The following KBTBD2 variants were observed in gnomAD, a reference collection of about 807,000 sequenced individuals.
KBTBD2 encodes kelch repeat and BTB domain containing 2.
A neutral mutation model predicts 57.1 loss-of-function variants in KBTBD2; 17 were observed. The ratio of observed to expected loss-of-function variants is 0.30; its 90% CI spans 0.20 to 0.45. The LOEUF (loss-of-function observed/expected upper bound fraction) is 0.45, where lower values mean the gene tolerates loss of function less well. Among genes scored for constraint, KBTBD2 ranks in the 20% least tolerant of loss-of-function variants. KBTBD2 has a pLI of 1.00. For missense variants in KBTBD2, 515 were observed against 750.6 expected (o/e 0.69, Z 3.67); for synonymous variants, 267 against 262.7 (o/e 1.02, Z -0.16).
intron 1 of KBTBD2, among the ~76,000 whole-genome samples, chr7:32,885,839 G>A (rs1041478810): frequency 4.0e-5 from 6 of 151,494 alleles, no homozygotes; most frequent in African/African-American, 9.7e-5. Flanking sequence ...TTGCTTGATC[G>A]CAGAGAATGG....
Position 32,874,417 on chromosome 7 carries a change from AAAATAAATAAATAAAT to A in KBTBD2, c.336+559_336+574del, listed in dbSNP as rs1057439350. ...TCCGTCTCAAAAAAATAAATAAATA[AAAATAAATAAATAAAT>A]AAATAAATAAAAATAGTAGCTGGGC... On this transcript the variant is annotated intron_variant, in intron 3 of 3. Coordinates refer to ENST00000304056, the MANE Select transcript of KBTBD2 (RefSeq NM_015483.3). 1.7e-4 allele frequency: 26 copies of A among 151,282 alleles called. No individual in the cohort carries two copies. The East Asian group carries it at 2.9e-3, about 17-fold the overall frequency. The allele number at this position is 151,282 out of a possible 1,614,324, so 9.4% of individuals were successfully genotyped here.
Position 32,870,117 on chromosome 7 carries a change from A to C in KBTBD2, c.1100T>G (p.Leu367Arg). 1.9e-6 allele frequency: 3 copies of C among 1,614,236 alleles called. No homozygotes were observed. The highest frequency in any genetic ancestry group is 2.5e-6 in the Non-Finnish European group (3 of 1,180,034). Reference protein sequence around the residue: ...QNTWFPKTPMLFVRIKPSLVC... With the variant: ...QNTWFPKTPMRFVRIKPSLVC... ...CAAAGATGGCTTTATGCGGACAAAA[A>C]GCATTGGGGTCTTTGGAAACCAGGT... The change falls in exon 4 of 4, where the codon CTT becomes CGT. Residue 367 changes from leucine (L) to arginine (R), a missense_variant. Transcript: ENST00000304056.
chr7:32,875,965 C>T (rs1008064460), intron 2 of KBTBD2, among the ~76,000 whole-genome samples: 1 of 152,100 alleles, frequency 6.6e-6, no homozygotes, highest in Non-Finnish European at 1.5e-5. Flanking sequence ...GGTTGTGTAA[C>T]TGTAAATATA....
intron 1 of KBTBD2, among the ~76,000 whole-genome samples, chr7:32,880,199 C>G (rs894346030): frequency 3.3e-5 from 5 of 152,080 alleles, no homozygotes; most frequent in African/African-American, 1.2e-4. Flanking sequence ...ATAACGAACA[C>G]ATGAATAAGT....
intron 1 of KBTBD2, among the ~76,000 whole-genome samples, chr7:32,888,376 A>T (rs1331528482): frequency 6.6e-6 from 1 of 152,134 alleles, no homozygotes; most frequent in East Asian, 1.9e-4. Context: ...TTTCAATGAG[A>T]TAGTTTTCTC....
upstream of KBTBD2, chr7:32,891,905 C>G (rs1235536591): frequency 7.1e-6 from 1 of 140,254 alleles, no homozygotes; most frequent in African/African-American, 2.6e-5. Flanking sequence ...CGCCCCCGCC[C>G]CCGCCGCGCG....
chr7:32,878,447 G>A (rs1342693994), intron 2 of KBTBD2, among the ~76,000 whole-genome samples: 1 of 152,136 alleles, frequency 6.6e-6, no homozygotes, highest in East Asian at 1.9e-4. Flanking sequence ...AGGCGTGGTG[G>A]TGCGTGCCTG....
Position 32,879,965 on chromosome 7 carries a change from TGTA to T in KBTBD2, c.-338-26_-338-24del, listed in dbSNP as rs1784407632. On this transcript the variant is annotated intron_variant, in intron 1 of 3. Transcript: ENST00000304056. ...TAACTAAAAAGAAAAAAAGTTCAGT[TGTA>T]GTATCTAGGCCAGTACGGTTTTAGA... The T allele has an allele frequency of 2.6e-5, 5 of 194,966 alleles. No homozygotes were observed. In the South Asian group the frequency reaches 5.1e-4, roughly 20 times the overall value. The allele number at this position is 194,966 out of a possible 1,614,324, so 12.1% of individuals were successfully genotyped here.
intron 3 of KBTBD2, among the ~76,000 whole-genome samples, chr7:32,873,502 G>A (rs927821271): frequency 1.3e-5 from 2 of 152,132 alleles, no homozygotes; most frequent in African/African-American, 4.8e-5. Context: ...GGGAGGCCAA[G>A]GCGGGTGGAT....
At chr7:32,871,815 T>C (rs1784185534) in intron 3 of KBTBD2, among the ~76,000 whole-genome samples, 1 of 147,892 alleles carries the variant, frequency 6.8e-6, no homozygotes, top group East Asian at 2.0e-4. Flanking sequence ...TTGGTAGTCA[T>C]AGAATGCCCC....
At chr7:32,879,027 C>T (rs1028752478) in intron 2 of KBTBD2, among the ~76,000 whole-genome samples, 6 of 152,096 alleles carry the variant, frequency 3.9e-5, no homozygotes, top group South Asian at 4.2e-4. Flanking sequence ...AAAGTCTTAA[C>T]CTATCTAACA....
chr7:32,872,367 G>A (rs1021481018), intron 3 of KBTBD2, among the ~76,000 whole-genome samples: 3 of 152,116 alleles, frequency 2.0e-5, no homozygotes, highest in Non-Finnish European at 4.4e-5. Context: ...GAACACTAAC[G>A]ATAAAGTTAG....
In KBTBD2 at chr7:32,870,267, T is replaced by G; in HGVS notation, c.950A>C (p.Asp317Ala). The stretch of plus-strand genomic sequence containing the variant: ...AACTTGACCCCCTGCTATGTAGATA[T>G]CATTATCAGGAGTTACAACGGTCCC... ...KVGTVVTPDN[D>A]IYIAGGQVPL... Residue 317 changes from aspartate (D) to alanine (A), a missense_variant, in exon 4 of 4, where the codon GAT (aspartate) becomes GCT (alanine). Physicochemically the swap from Asp to Ala is moderately radical, Grantham distance 126. Transcript: ENST00000304056. The G allele has an allele frequency of 1.2e-6, 2 of 1,614,178 alleles. No individual in the cohort carries two copies.
intron 3 of KBTBD2, among the ~76,000 whole-genome samples, chr7:32,874,195 C>G (rs186622486): frequency 6.6e-6 from 1 of 151,850 alleles, no homozygotes; most frequent in African/African-American, 2.4e-5. Flanking sequence ...GTCAGGAGAT[C>G]GAGACCATTC....
At chr7:32,890,016 C>A (rs62467370) in intron 1 of KBTBD2, among the ~76,000 whole-genome samples, 7,560 of 152,258 alleles carry the variant, frequency 0.05, 260 homozygotes, top group East Asian at 0.12. Context: ...TCCTTACATG[C>A]CCTGTGAATA....
chr7:32,888,996 C>G (rs1183703897), intron 1 of KBTBD2, among the ~76,000 whole-genome samples: 3 of 152,058 alleles, frequency 2.0e-5, no homozygotes, highest in Non-Finnish European at 4.4e-5. Context: ...TTCCTCTCAC[C>G]TCTGCGCAGT....
Position 32,868,486 on chromosome 7 carries a change from C to CTTGT in KBTBD2, c.*855_*858dup, listed in dbSNP as rs1464601757. On this transcript the variant is annotated 3_prime_UTR_variant, in exon 4 of 4. Coordinates refer to ENST00000304056, the MANE Select transcript of KBTBD2 (RefSeq NM_015483.3). ...TATACACAATCACTCTACAGTAATG[C>CTTGT]TTGTTATTAAATTAAGATGTAATGA... is the stretch of plus-strand genomic sequence containing the variant. 1 of 152,544 alleles carries CTTGT rather than the reference C, an allele frequency of 6.6e-6. No homozygotes were observed. The allele number at this position is 152,544 out of a possible 1,614,324, so 9.4% of individuals were successfully genotyped here. A position where few individuals can be genotyped will look rare whatever the true frequency, so the allele number is the denominator to read the frequency against.
chr7:32,885,044 TA>T (rs1784543397), intron 1 of KBTBD2, among the ~76,000 whole-genome samples: 1 of 143,010 alleles, frequency 7.0e-6, no homozygotes, highest in South Asian at 2.1e-4. Context: ...ACACAAATTT[TA>T]ATTTTTTTTT....
At position 32,870,129 on chromosome 7, in the gene KBTBD2, T is replaced by C. The variant is rs760715011; in HGVS notation, c.1088A>G (p.Lys363Arg). The change falls in exon 4 of 4, where the codon AAG becomes AGG. Residue 363 changes from lysine to arginine, a missense_variant. Transcript: ENST00000304056. Reference protein sequence around the residue: ...FDAQQNTWFPKTPMLFVRIKP... With the variant: ...FDAQQNTWFPRTPMLFVRIKP... ...TATGCGGACAAAAAGCATTGGGGTC[T>C]TTGGAAACCAGGTATTTTGCTGTGC... is the stretch of plus-strand genomic sequence containing the variant. The C allele has an allele frequency of 5.0e-6, 8 of 1,614,188 alleles. No individual in the cohort carries two copies. Among genetic ancestry groups the C allele is most frequent in the South Asian group, 2.2e-5 (2 of 91,088 alleles).
Sources: gnomAD v4.1 joint callset for allele counts (sites outside exome capture counted in the v4.1 genomes callset) on GRCh38, gnomAD v4.1.1 for gene constraint, MANE v1.5 for transcripts, NCBI Gene and HGNC (gene_info 2026-07-23, HGNC 2026-07-21) for gene names.